Variants in ADGRB3 observed in about 807,000 individuals in gnomAD.
ADGRB3 encodes adhesion G protein-coupled receptor B3, also known as brain-specific angiogenesis inhibitor 3.
A neutral mutation model predicts 193.4 loss-of-function variants in ADGRB3; 37 were observed. That is an observed-to-expected ratio of 0.19 (90% CI 0.15 to 0.25). The LOEUF is 0.25. Ranked by LOEUF, ADGRB3 falls within the 10% of genes least tolerant of loss-of-function variation. The pLI, the probability that ADGRB3 is intolerant of heterozygous loss-of-function variation, is 1.00. For missense variants in ADGRB3, 1,637 were observed against 1,852.9 expected (o/e 0.88, Z 2.14); for synonymous variants, 690 against 644.2 (o/e 1.07, Z -1.08).
chr6:69,301,092 A>G (rs1767940814), intron 20 of ADGRB3, among the ~76,000 whole-genome samples: 1 of 151,736 alleles, frequency 6.6e-6, no homozygotes, highest in Non-Finnish European at 1.5e-5. Flanking sequence ...GAGTTGCAAC[A>G]ATTTGAGCAA....
intron 3 of ADGRB3, among the ~76,000 whole-genome samples, chr6:68,659,525 T>C (rs1456131542): frequency 1.3e-5 from 2 of 151,002 alleles, no homozygotes; most frequent in Non-Finnish European, 3.0e-5. Context: ...CATAAATATA[T>C]TTAGAATGAC....
intron 5 of ADGRB3, among the ~76,000 whole-genome samples, chr6:68,938,839 A>C (rs1382846475): frequency 6.6e-6 from 1 of 152,176 alleles, no homozygotes; most frequent in East Asian, 1.9e-4. Flanking sequence ...ACAATGAGAA[A>C]AATGTCAATA....
intron 20 of ADGRB3, among the ~76,000 whole-genome samples, chr6:69,303,991 T>C (rs1477167490): frequency 6.6e-6 from 1 of 151,942 alleles, no homozygotes; most frequent in Non-Finnish European, 1.5e-5. Context: ...AAGTCTATTA[T>C]AAGACCACCT....
chr6:68,879,450 G>A (rs1004933099), intron 3 of ADGRB3, among the ~76,000 whole-genome samples: 2 of 151,766 alleles, frequency 1.3e-5, no homozygotes, highest in African/African-American at 2.4e-5. Context: ...GGATGGTTTC[G>A]ATCTCCTGAC....
intron 5 of ADGRB3, among the ~76,000 whole-genome samples, chr6:68,940,005 T>C (rs368336541): frequency 6.6e-6 from 1 of 152,204 alleles, no homozygotes; most frequent in East Asian, 1.9e-4. Flanking sequence ...TCAATAGTGT[T>C]ATAAATTAGT....
intron 11 of ADGRB3, among the ~76,000 whole-genome samples, chr6:68,995,904 A>T (rs576276893): frequency 2.0e-5 from 3 of 152,278 alleles, no homozygotes; most frequent in African/African-American, 7.2e-5. Flanking sequence ...AAGAATTTTT[A>T]TCTCTTGTAT....
intron 15 of ADGRB3, among the ~76,000 whole-genome samples, chr6:69,058,341 TACTC>T (rs1390575144): frequency 6.6e-6 from 1 of 151,908 alleles, no homozygotes; most frequent in Non-Finnish European, 1.5e-5. Context: ...TCTTTTCACT[TACTC>T]TTTTTAAAAA....
rs1768169093 is a variant in ADGRB3 at position 69,310,597 on chromosome 6, T to C, written c.2815-14275T>C. 5.3e-5 allele frequency among the ~76,000 whole-genome samples: 8 copies of C among 151,792 alleles called. No individual in the cohort carries two copies. In the South Asian group the frequency reaches 1.7e-3, roughly 31 times the overall value. On this transcript the variant is annotated intron_variant, in intron 20 of 31. Coordinates refer to ENST00000370598, the MANE Select transcript of ADGRB3 (RefSeq NM_001704.3). ...AAATTCAAAATTGGAAGTGTTCTTATTATCTTCTTGGCCTTGCTTATTCCA... is the reference window on the plus strand; with the variant it reads ...AAATTCAAAATTGGAAGTGTTCTTACTATCTTCTTGGCCTTGCTTATTCCA...
intron 3 of ADGRB3, among the ~76,000 whole-genome samples, chr6:68,910,250 G>C (rs963026008): frequency 4.6e-5 from 7 of 152,150 alleles, no homozygotes; most frequent in Non-Finnish European, 1.0e-4. Context: ...TGTCGATGGG[G>C]TTGTTTGTTT....
chr6:68,673,632 A>G (rs1050688811), intron 3 of ADGRB3, among the ~76,000 whole-genome samples: 9 of 152,176 alleles, frequency 5.9e-5, no homozygotes, highest in Non-Finnish European at 1.3e-4. Flanking sequence ...CATAATTGTC[A>G]CTGGGGTTTT....
intron 8 of ADGRB3, among the ~76,000 whole-genome samples, chr6:68,958,785 T>C (rs1318901808): frequency 8.6e-5 from 13 of 152,030 alleles, no homozygotes; most frequent in Non-Finnish European, 1.6e-4. Context: ...TACAAGCATA[T>C]AGATACCGTT....
chr6:69,027,076 A>G (rs898139603), intron 13 of ADGRB3, among the ~76,000 whole-genome samples: 24 of 152,140 alleles, frequency 1.6e-4, no homozygotes, highest in African/African-American at 5.5e-4. Context: ...TTACTTTATA[A>G]ACTTTTTTTT....
chr6:69,149,148 C>T (rs903918290), intron 17 of ADGRB3, among the ~76,000 whole-genome samples: 1 of 152,006 alleles, frequency 6.6e-6, no homozygotes, highest in Admixed American at 6.6e-5. Context: ...CTCTACTTCC[C>T]CTTTAAGGAA....
chr6:69,122,832 A>G (rs1440480990), intron 17 of ADGRB3, among the ~76,000 whole-genome samples: 5 of 152,064 alleles, frequency 3.3e-5, no homozygotes, highest in African/African-American at 1.2e-4. Flanking sequence ...TTTCAAACAT[A>G]CATACATACA....
chr6:69,134,093 G>A (rs1487786614), intron 17 of ADGRB3, among the ~76,000 whole-genome samples: 1 of 151,982 alleles, frequency 6.6e-6, no homozygotes, highest in South Asian at 2.1e-4. Flanking sequence ...TGGTTGATGA[G>A]CATTTTGGCT....
chr6:68,712,877 A>T (rs888397642), intron 3 of ADGRB3, among the ~76,000 whole-genome samples: 5 of 151,916 alleles, frequency 3.3e-5, no homozygotes, highest in Non-Finnish European at 7.4e-5. Flanking sequence ...AATAAACCTT[A>T]TTAGATACTG....
intron 3 of ADGRB3, among the ~76,000 whole-genome samples, chr6:68,770,730 T>G (rs1766601099): frequency 6.6e-6 from 1 of 152,114 alleles, no homozygotes. Context: ...ACTGAAATTC[T>G]AGAAATTTGA....
chr6:68,832,377 A>G (rs1582238121), intron 3 of ADGRB3, among the ~76,000 whole-genome samples: 1 of 151,500 alleles, frequency 6.6e-6, no homozygotes, highest in East Asian at 1.9e-4. Flanking sequence ...TTGCTTCATA[A>G]TTATTTGACT....
At chr6:69,357,421 C>G (rs1769358812) in intron 28 of ADGRB3, among the ~76,000 whole-genome samples, 2 of 151,980 alleles carry the variant, frequency 1.3e-5, no homozygotes, top group Admixed American at 1.3e-4. Context: ...GGTTAGCATA[C>G]TATCCATTTC....
Sources: gnomAD v4.1 joint callset for allele counts (sites outside exome capture counted in the v4.1 genomes callset) on GRCh38, gnomAD v4.1.1 for gene constraint, MANE v1.5 for transcripts, NCBI Gene and HGNC (gene_info 2026-07-23, HGNC 2026-07-21) for gene names.